The following COQ3 variants were observed in gnomAD, a reference collection of about 807,000 sequenced individuals.
The protein encoded by COQ3 is ubiquinone biosynthesis O-methyltransferase, mitochondrial.
Under a neutral mutation model 33.1 loss-of-function variants are expected in COQ3, and 29 were observed. The observed-to-expected ratio is 0.88, with a 90% confidence interval of 0.65 to 1.19. The LOEUF (loss-of-function observed/expected upper bound fraction) is 1.19, where lower values mean the gene tolerates loss of function less well. Among genes scored for constraint, COQ3 ranks in the 50% most tolerant of loss-of-function variants. COQ3 has a pLI of 0.00. For missense variants in COQ3, 437 were observed against 430.7 expected, an observed-to-expected ratio of 1.01 and a Z score of -0.13; for synonymous variants, 173 against 157.8, an observed-to-expected ratio of 1.10 and a Z score of -0.72.
chr6:99,372,353 T>C (rs1020695955), intron 5 of COQ3, among the ~76,000 whole-genome samples: 1 of 151,628 alleles, frequency 6.6e-6, no homozygotes, highest in African/African-American at 2.4e-5. Flanking sequence ...TGCAGTGATA[T>C]ATATTTATAT....
chr6:99,375,507 C>A (rs1774258850), intron 5 of COQ3, among the ~76,000 whole-genome samples: 1 of 151,928 alleles, frequency 6.6e-6, no homozygotes, highest in Admixed American at 6.6e-5. Flanking sequence ...CCTCAGTCTC[C>A]TGAGTATCTG....
At position 99,371,507 on chromosome 6, in the gene COQ3, A is replaced by C. The variant is rs772752474; in HGVS notation, c.810T>G (p.Ile270Met). The C allele has an allele frequency of 6.2e-7, 1 of 1,606,418 alleles. No homozygotes were observed. The highest frequency in any genetic ancestry group is 8.5e-7 in the Non-Finnish European group (1 of 1,175,178). ...YALGIVFSEQIASIVPKGTHT... is the reference protein window; with the variant it reads ...YALGIVFSEQMASIVPKGTHT... The stretch of plus-strand genomic sequence containing the variant: ...GAGTACCTTTTGGTACAATACTTGC[A>C]ATTTGCTCTGAAAAAACAATTCCCA... Residue 270 changes from isoleucine to methionine, a missense_variant, in exon 6 of 7, where the codon ATT becomes ATG. Transcript: ENST00000254759.
chr6:99,384,448 C>A (rs1443011792), intron 1 of COQ3, among the ~76,000 whole-genome samples: 6 of 152,014 alleles, frequency 3.9e-5, no homozygotes, highest in Admixed American at 2.0e-4. Flanking sequence ...GAATGATATT[C>A]AAATATAAAG....
rs1388750659 is a variant in COQ3 at position 99,375,936 on chromosome 6, T to C, written c.729+4A>G. 6.2e-7 allele frequency: 1 copy of C among 1,613,838 alleles called. No individual in the cohort carries two copies. The highest frequency in any genetic ancestry group is 1.7e-5 in the Admixed American group (1 of 60,022). On this transcript the variant is annotated splice_donor_region_variant and intron_variant, in intron 5 of 6. Coordinates refer to ENST00000254759, the MANE Select transcript of COQ3 (RefSeq NM_017421.4). Reference sequence around the variant, plus strand: ...AACCAAGATGTAAACTCCATAAGCCTTACTTTTAACACTTGACAGCAGCAC... The same window carrying C: ...AACCAAGATGTAAACTCCATAAGCCCTACTTTTAACACTTGACAGCAGCAC...
chr6:99,376,784 A>C (rs2128470846), intron 4 of COQ3, among the ~76,000 whole-genome samples: 1 of 152,000 alleles, frequency 6.6e-6, no homozygotes. Context: ...CAACCTGGCC[A>C]ACATGGTGAA....
intron 2 of COQ3, 58 bp from the exon 3 acceptor site, chr6:99,380,399 A>G (rs1331870088): frequency 6.6e-7 from 1 of 1,511,108 alleles, no homozygotes; most frequent in Non-Finnish European, 9.2e-7. Flanking sequence ...AATGTTTAAC[A>G]TGGGATATTA....
At position 99,394,056 on chromosome 6, in the gene COQ3, C is replaced by G. The variant is rs373056331; in HGVS notation, c.106+18G>C. On this transcript the variant is annotated intron_variant, in intron 1 of 6. Coordinates refer to ENST00000254759, the MANE Select transcript of COQ3 (RefSeq NM_017421.4). ...TCGCAATTGACTGCATGCGAAGGAC[C>G]TCCGCACACACACTCACCCGCCGAG... 1.2e-6 allele frequency: 2 copies of G among 1,603,608 alleles called. No homozygotes were observed. The highest frequency in any genetic ancestry group is 1.7e-6 in the Non-Finnish European group (2 of 1,170,508).
chr6:99,388,889 A>ACG (rs1375660324), intron 1 of COQ3, among the ~76,000 whole-genome samples: 6 of 49,824 alleles, frequency 1.2e-4, no homozygotes, highest in Non-Finnish European at 1.8e-4. Flanking sequence ...TAATGTATAC[A>ACG]CGCACACACA....
At chr6:99,383,250 G>A (rs1205336753) in intron 2 of COQ3, 1 of 152,196 alleles carries the variant, frequency 6.6e-6, no homozygotes, top group African/African-American at 2.4e-5. Flanking sequence ...AATCAATTTT[G>A]CTACCTTAGC....
intron 6 of COQ3, 67 bp downstream of exon 6, chr6:99,371,355 TGCGTAA>T (rs1774137951): frequency 1.0e-6 from 1 of 961,138 alleles, no homozygotes; most frequent in East Asian, 2.5e-5. Flanking sequence ...CTAGGCTAAG[TGCGTAA>T]TAATTACTGG....
chr6:99,390,305 T>C (rs1235406918), intron 1 of COQ3, among the ~76,000 whole-genome samples: 1 of 151,660 alleles, frequency 6.6e-6, no homozygotes, highest in Non-Finnish European at 1.5e-5. Context: ...TTGTTGGTTT[T>C]CCCACACTGT....
intron 5 of COQ3, among the ~76,000 whole-genome samples, chr6:99,371,903 C>T (rs994959465): frequency 6.6e-6 from 1 of 152,122 alleles, no homozygotes; most frequent in Non-Finnish European, 1.5e-5. Context: ...TGAGATCAGG[C>T]TGCTCTTCCT....
chr6:99,377,309 G>T, intron 4 of COQ3, 77 bp downstream of exon 4: 1 of 1,111,788 alleles, frequency 9.0e-7, no homozygotes, highest in Non-Finnish European at 1.4e-6. Context: ...ATTATTTGTT[G>T]AAAGAATAAA....
Position 99,383,771 on chromosome 6 carries a change from T to C in COQ3, c.160A>G (p.Asn54Asp). Residue 54 changes from asparagine to aspartate, a missense_variant, in exon 2 of 7, where the codon AAT (asparagine) becomes GAT (aspartate). Asn to Asp is a conservative substitution (Grantham distance 23). Coordinates refer to ENST00000254759, the MANE Select transcript of COQ3 (RefSeq NM_017421.4). ...TTGAACCATATGGTTCTGTATTCATTGAAAACCCCTGGTTTAATCTGTAGA... is the reference window on the plus strand; with the variant it reads ...TTGAACCATATGGTTCTGTATTCATCGAAAACCCCTGGTTTAATCTGTAGA... ...GTLQIKPGVF[N>D]EYRTIWFKSY... is the part of the protein sequence containing the mutation. The C allele has an allele frequency of 6.2e-7, 1 of 1,601,186 alleles. No homozygotes were observed. Among genetic ancestry groups the C allele is most frequent in the Non-Finnish European group, 8.5e-7 (1 of 1,174,108 alleles).
rs770504283 is a variant in COQ3 at position 99,383,748 on chromosome 6, G to A, written c.183C>T (p.Phe61=). 1 of 1,604,776 alleles carries A rather than the reference G, an allele frequency of 6.2e-7. No homozygotes were observed. Among genetic ancestry groups the A allele is most frequent in the Non-Finnish European group, 8.5e-7 (1 of 1,176,160 alleles). The change falls in exon 2 of 7, where the codon TTC becomes TTT. Residue 61 remains phenylalanine (F), a synonymous_variant. Coordinates refer to ENST00000254759, the MANE Select transcript of COQ3 (RefSeq NM_017421.4). ...GVFNEYRTIW[F]KSYRTIFSCL... Reference sequence around the variant, plus strand: ...AGGAAAAGATCGTCCTGTAGGATTTGAACCATATGGTTCTGTATTCATTGA... The same window carrying A: ...AGGAAAAGATCGTCCTGTAGGATTTAAACCATATGGTTCTGTATTCATTGA...
intron 1 of COQ3, among the ~76,000 whole-genome samples, chr6:99,388,897 A>G (rs781273248): frequency 0.042 from 1,634 of 38,450 alleles, 12 homozygotes; most frequent in Non-Finnish European, 0.071. Context: ...ACACGCACAC[A>G]CACACACACA....
At chr6:99,392,647 A>G (rs1774863686) in intron 1 of COQ3, among the ~76,000 whole-genome samples, 1 of 146,426 alleles carries the variant, frequency 6.8e-6, no homozygotes, top group South Asian at 2.1e-4. Flanking sequence ...TTTTTTTGAG[A>G]CAGAGTCTCA....
At chr6:99,391,873 C>G (rs898109762) in intron 1 of COQ3, among the ~76,000 whole-genome samples, 1 of 152,100 alleles carries the variant, frequency 6.6e-6, no homozygotes, top group Non-Finnish European at 1.5e-5. Context: ...GTGGTGCCTG[C>G]CTGTAGTCCC....
chr6:99,372,698 GA>G (rs1258776648), intron 5 of COQ3, among the ~76,000 whole-genome samples: 8 of 152,238 alleles, frequency 5.3e-5, no homozygotes, highest in African/African-American at 1.9e-4. Context: ...TTACAGGCAT[GA>G]GCCACTGCAC....
Sources: gnomAD v4.1 joint callset for allele counts (sites outside exome capture counted in the v4.1 genomes callset) on GRCh38, gnomAD v4.1.1 for gene constraint, MANE v1.5 for transcripts, NCBI Gene and HGNC (gene_info 2026-07-23, HGNC 2026-07-21) for gene names.